The following ROBO1 variants were observed in gnomAD, a reference collection of about 807,000 sequenced individuals.
ROBO1 encodes the protein roundabout guidance receptor 1.
In ROBO1, 149 loss-of-function variants were observed where a neutral mutation model predicts 195.9. The ratio of observed to expected loss-of-function variants is 0.76; its 90% CI spans 0.67 to 0.87. The LOEUF (loss-of-function observed/expected upper bound fraction) is 0.87, where lower values mean the gene tolerates loss of function less well. Ranked by LOEUF, ROBO1 falls within the 40% of genes least tolerant of loss-of-function variation. The pLI, the probability that ROBO1 is intolerant of heterozygous loss-of-function variation, is 0.00. For synonymous variants in ROBO1, 816 were observed against 733.2 expected (o/e 1.11, Z -1.82); for missense variants, 1,933 against 2,068.3 (o/e 0.93, Z 1.27).
intron 2 of ROBO1, among the ~76,000 whole-genome samples, chr3:79,186,830 C>G (rs1434393109): frequency 6.6e-6 from 1 of 152,070 alleles, no homozygotes; most frequent in Non-Finnish European, 1.5e-5. Flanking sequence ...CCCTAGGTAG[C>G]CTCTAATTAG....
intron 1 of ROBO1, among the ~76,000 whole-genome samples, chr3:79,656,238 T>A (rs2106787619): frequency 6.6e-6 from 1 of 151,816 alleles, no homozygotes; most frequent in African/African-American, 2.4e-5. Context: ...GTGGTATTTT[T>A]GCTTTTTTTT....
intron 1 of ROBO1, among the ~76,000 whole-genome samples, chr3:79,724,461 G>A (rs1235622136): frequency 1.3e-5 from 2 of 152,154 alleles, no homozygotes; most frequent in African/African-American, 4.8e-5. Flanking sequence ...ACGTTGAAGG[G>A]GATGGCCTGT....
intron 3 of ROBO1, among the ~76,000 whole-genome samples, chr3:79,112,960 A>G (rs531439919): frequency 3.3e-5 from 5 of 152,168 alleles, no homozygotes; most frequent in Non-Finnish European, 5.9e-5. Context: ...TGGTTAAAAA[A>G]AAAAGACCTA....
At chr3:79,074,682 G>T (rs1348729367) in intron 3 of ROBO1, among the ~76,000 whole-genome samples, 1 of 151,452 alleles carries the variant, frequency 6.6e-6, no homozygotes, top group Non-Finnish European at 1.5e-5. Flanking sequence ...TCCTGCTTTG[G>T]TCTCCCAAAA....
chr3:78,791,409 T>C (rs2108527656), intron 4 of ROBO1, among the ~76,000 whole-genome samples: 1 of 152,274 alleles, frequency 6.6e-6, no homozygotes, highest in East Asian at 1.9e-4. Context: ...ATCTTCTCTC[T>C]CATAATTTAA....
Position 79,112,777 on chromosome 3 carries a change from G to T in ROBO1, c.172+12679C>A, listed in dbSNP as rs372246880. 1.0e-4 allele frequency among the ~76,000 whole-genome samples: 15 copies of T among 149,536 alleles called. 1 individual carries two copies. The highest frequency in any genetic ancestry group is 3.4e-3 in the Middle Eastern group (1 of 292). On this transcript the variant is annotated intron_variant, in intron 3 of 30. Coordinates refer to ENST00000464233, the MANE Select transcript of ROBO1 (RefSeq NM_002941.4). The stretch of plus-strand genomic sequence containing the variant: ...GGGGCCTGTTGTGGGGTGCGGGGAG[G>T]GGGGAGGGATAGCATTAGGAGATAT...
intron 3 of ROBO1, among the ~76,000 whole-genome samples, chr3:79,091,597 A>G (rs1445944593): frequency 6.6e-6 from 1 of 152,138 alleles, no homozygotes; most frequent in African/African-American, 2.4e-5. Flanking sequence ...GACAGAAACA[A>G]GCGAAAGAAA....
chr3:78,674,381 C>T (rs2107742186), intron 10 of ROBO1, among the ~76,000 whole-genome samples: 1 of 152,336 alleles, frequency 6.6e-6, no homozygotes, highest in East Asian at 1.9e-4. Flanking sequence ...ACTCTGCCTA[C>T]TAGCCATCCT....
intron 1 of ROBO1, among the ~76,000 whole-genome samples, chr3:79,667,978 G>A (rs1946521628): frequency 6.6e-6 from 1 of 151,734 alleles, no homozygotes; most frequent in African/African-American, 2.4e-5. Context: ...TTTAGTCCTT[G>A]TAGCTCTCAA....
intron 4 of ROBO1, among the ~76,000 whole-genome samples, chr3:78,765,390 A>C (rs1479015043): frequency 6.6e-6 from 1 of 152,052 alleles, no homozygotes; most frequent in Admixed American, 6.6e-5. Flanking sequence ...GAAACATAAA[A>C]TTTATTATTA....
intron 8 of ROBO1, chr3:78,693,344 T>C (rs1413103865): frequency 2.1e-5 from 33 of 1,549,156 alleles, no homozygotes; most frequent in Non-Finnish European, 2.9e-5. Context: ...AAATGTCAAC[T>C]TACCAGACCC....
At chr3:79,072,136 G>T (rs914328959) in intron 3 of ROBO1, among the ~76,000 whole-genome samples, 1 of 151,488 alleles carries the variant, frequency 6.6e-6, no homozygotes, top group Non-Finnish European at 1.5e-5. Flanking sequence ...TTTTCATTTT[G>T]ACATACTCAG....
chr3:78,954,500 A>G (rs557285620), intron 3 of ROBO1, among the ~76,000 whole-genome samples: 62 of 152,226 alleles, frequency 4.1e-4, no homozygotes, highest in African/African-American at 1.5e-3. Flanking sequence ...TACAACAAAT[A>G]TAACATAATA....
At chr3:78,639,417 G>A (rs1006507730) in intron 22 of ROBO1, among the ~76,000 whole-genome samples, 1 of 152,176 alleles carries the variant, frequency 6.6e-6, no homozygotes, top group Non-Finnish European at 1.5e-5. Context: ...ACTCCAGCCT[G>A]AGCATCAGAG....
At chr3:78,758,551 C>A (rs925137983) in intron 4 of ROBO1, among the ~76,000 whole-genome samples, 2 of 137,264 alleles carry the variant, frequency 1.5e-5, no homozygotes, top group African/African-American at 5.9e-5. Context: ...AAAAAAAAAT[C>A]CTCCTCAGGA....
intron 2 of ROBO1, among the ~76,000 whole-genome samples, chr3:79,414,353 G>C (rs1575793298): frequency 6.6e-6 from 1 of 151,882 alleles, no homozygotes; most frequent in East Asian, 1.9e-4. Context: ...TATGATTGCT[G>C]TACATGAAAG....
At chr3:79,762,747 C>T (rs1704780420) in intron 1 of ROBO1, among the ~76,000 whole-genome samples, 1 of 151,996 alleles carries the variant, frequency 6.6e-6, no homozygotes, top group Admixed American at 6.6e-5. Context: ...TCACAGAGTA[C>T]CTTCAATGAC....
chr3:79,637,383 G>GAAA (rs1945525896), intron 1 of ROBO1, among the ~76,000 whole-genome samples: 1 of 79,630 alleles, frequency 1.3e-5, no homozygotes, highest in Non-Finnish European at 2.5e-5. Flanking sequence ...TTTATAAGTA[G>GAAA]CAAAAAAAAA....
In ROBO1 at chr3:79,412,300, G is replaced by C. The variant is rs538340736; in HGVS notation, c.88+177524C>G. Among the ~76,000 whole-genome samples the C allele has an allele frequency of 1.6e-4, 25 of 152,220 alleles. No homozygotes were observed. The South Asian group carries it at 5.0e-3, about 30-fold the overall frequency. ...AGAGATAAGCTGACAGTTTTCTCTG[G>C]TCTTTCTGCAGCTACTAGTTCCTAA... On this transcript the variant is annotated intron_variant, in intron 2 of 30. Coordinates refer to ENST00000464233, the MANE Select transcript of ROBO1 (RefSeq NM_002941.4).
Sources: allele counts gnomAD v4.1 joint callset (sites outside exome capture counted in the v4.1 genomes callset), GRCh38; gene constraint gnomAD v4.1.1; transcripts MANE v1.5; gene names NCBI Gene and HGNC (gene_info 2026-07-23, HGNC 2026-07-21).